The following EPHA5 variants were observed in gnomAD, a reference collection of about 807,000 sequenced individuals.
EPHA5 encodes EPH receptor A5, also known as ephrin type-A receptor 5.
A neutral mutation model predicts 105.0 loss-of-function variants in EPHA5; 60 were observed. The ratio of observed to expected loss-of-function variants is 0.57; its 90% CI spans 0.46 to 0.71. EPHA5 has a LOEUF of 0.71. Among genes scored for constraint, EPHA5 ranks in the 30% least tolerant of loss-of-function variants. EPHA5 has a pLI of 0.00. For missense variants in EPHA5, 1,218 were observed against 1,274.7 expected, an observed-to-expected ratio of 0.96 and a Z score of 0.68; for synonymous variants, 513 against 449.1, an observed-to-expected ratio of 1.14 and a Z score of -1.80.
intron 8 of EPHA5, among the ~76,000 whole-genome samples, chr4:65,387,781 AT>A: frequency 6.6e-6 from 1 of 151,848 alleles, no homozygotes; most frequent in African/African-American, 2.4e-5. Context: ...TTTATTACAT[AT>A]TTGTCCATCT....
chr4:65,588,994 A>G (rs1742381358), intron 3 of EPHA5, among the ~76,000 whole-genome samples: 4 of 152,220 alleles, frequency 2.6e-5, no homozygotes, highest in Non-Finnish European at 2.9e-5. Context: ...TCTAACTAGC[A>G]TGTATTGAGG....
intron 5 of EPHA5, among the ~76,000 whole-genome samples, chr4:65,444,817 A>G (rs1726357206): frequency 6.6e-6 from 1 of 152,082 alleles, no homozygotes; most frequent in Non-Finnish European, 1.5e-5. Flanking sequence ...GGTTGCTTTT[A>G]GAAGTAATTG....
At chr4:65,581,832 A>G (rs1344687398) in intron 3 of EPHA5, among the ~76,000 whole-genome samples, 1 of 151,820 alleles carries the variant, frequency 6.6e-6, no homozygotes, top group Non-Finnish European at 1.5e-5. Flanking sequence ...GTCATGAAGT[A>G]ACTGTCCAAG....
At position 65,490,474 on chromosome 4, in the gene EPHA5, T is replaced by C. The variant is rs1331557695; in HGVS notation, c.1305A>G (p.Thr435=). The C allele has an allele frequency of 2.5e-6, 4 of 1,614,174 alleles. No individual in the cohort carries two copies. The highest frequency in any genetic ancestry group is 3.4e-6 in the Non-Finnish European group (4 of 1,180,014). ...SVMMVDLLAH[T]NYTFEIEAVN... is the part of the protein sequence containing the mutation. ...CTGCCTCAATCTCAAAGGTATAGTT[T>C]GTGTGAGCGAGTAGATCCACCATCA... Residue 435 remains threonine, a synonymous_variant, in exon 5 of 17, where the codon ACA becomes ACG. Transcript: ENST00000613740.
At chr4:65,504,127 T>C (rs992902650) in intron 3 of EPHA5, among the ~76,000 whole-genome samples, 7 of 151,480 alleles carry the variant, frequency 4.6e-5, no homozygotes, top group Non-Finnish European at 1.0e-4. Flanking sequence ...GTTACATCTA[T>C]ATATTTTATA....
intron 2 of EPHA5, among the ~76,000 whole-genome samples, chr4:65,619,026 G>T (rs1560780978): frequency 1.3e-5 from 2 of 152,002 alleles, no homozygotes; most frequent in South Asian, 4.1e-4. Context: ...ATGGTGGCGG[G>T]TGCCTGTAAT....
At chr4:65,496,742 C>T (rs1179635193) in intron 3 of EPHA5, among the ~76,000 whole-genome samples, 1 of 152,102 alleles carries the variant, frequency 6.6e-6, no homozygotes, top group South Asian at 2.1e-4. Context: ...TGGGTACATA[C>T]CCAGTAATGG....
intron 3 of EPHA5, among the ~76,000 whole-genome samples, chr4:65,545,446 A>C (rs1737280817): frequency 6.6e-6 from 1 of 151,956 alleles, no homozygotes; most frequent in African/African-American, 2.4e-5. Flanking sequence ...AAATTAAAGA[A>C]ACTTGTGATG....
At chr4:65,444,139 T>A (rs1726288217) in intron 5 of EPHA5, among the ~76,000 whole-genome samples, 1 of 152,200 alleles carries the variant, frequency 6.6e-6, no homozygotes, top group South Asian at 2.1e-4. Context: ...TCATTAAAAC[T>A]GTTTTACTTT....
intron 3 of EPHA5, among the ~76,000 whole-genome samples, chr4:65,520,446 C>T (rs905279515): frequency 6.6e-6 from 1 of 152,156 alleles, no homozygotes; most frequent in African/African-American, 2.4e-5. Flanking sequence ...CTAAGCAATA[C>T]CATTCAGGTC....
At chr4:65,460,583 A>T (rs1728030358) in intron 5 of EPHA5, among the ~76,000 whole-genome samples, 1 of 151,528 alleles carries the variant, frequency 6.6e-6, no homozygotes, top group African/African-American at 2.4e-5. Context: ...AAGTATATTT[A>T]AATATTTTAT....
intron 16 of EPHA5, among the ~76,000 whole-genome samples, chr4:65,329,459 T>A (rs753351189): frequency 4.0e-5 from 6 of 151,430 alleles, no homozygotes; most frequent in Non-Finnish European, 8.9e-5. Context: ...TTTATATTTA[T>A]TCTTTTTTTC....
chr4:65,387,038 C>G (rs539427735), intron 8 of EPHA5, among the ~76,000 whole-genome samples: 1 of 151,660 alleles, frequency 6.6e-6, no homozygotes. Flanking sequence ...CATCTAAGGA[C>G]GTGGCCATTA....
In EPHA5 at chr4:65,555,786, G is replaced by T. The variant is rs996655384; in HGVS notation, c.910+45855C>A. Among the ~76,000 whole-genome samples, 5 of 141,100 alleles carry T rather than the reference G, an allele frequency of 3.5e-5. 1 individual carries two copies. Among genetic ancestry groups the T allele is most frequent in the African/African-American group, 1.6e-4 (5 of 31,094 alleles). 92.6% of individuals were successfully genotyped at this position (141,100 alleles called of 152,430 possible). On this transcript the variant is annotated intron_variant, in intron 3 of 16. Transcript: ENST00000613740. ...TACAATGAGATATATACCATATTCA[G>T]ACTGTCAAGTAGGAGTACTAGGATA...
chr4:65,530,324 A>G (rs1042931900), intron 3 of EPHA5, among the ~76,000 whole-genome samples: 1 of 152,130 alleles, frequency 6.6e-6, no homozygotes, highest in Non-Finnish European at 1.5e-5. Context: ...AATAAAGATT[A>G]AAGACTTTAA....
At chr4:65,376,890 CA>C (rs1248716289) in intron 8 of EPHA5, 3 of 936,178 alleles carry the variant, frequency 3.2e-6, no homozygotes, top group Non-Finnish European at 4.5e-6. Flanking sequence ...CTTGGGGAGC[CA>C]GTTTTATTCT....
At chr4:65,642,725 G>A (rs1467323596) in intron 2 of EPHA5, among the ~76,000 whole-genome samples, 1 of 151,786 alleles carries the variant, frequency 6.6e-6, no homozygotes, top group Non-Finnish European at 1.5e-5. Flanking sequence ...TCTTTAGGTT[G>A]TTATAATCAA....
chr4:65,550,513 T>C (rs990641547), intron 3 of EPHA5, among the ~76,000 whole-genome samples: 2 of 152,080 alleles, frequency 1.3e-5, no homozygotes, highest in African/African-American at 4.8e-5. Flanking sequence ...CTGCCACTCA[T>C]ATCCAGTAGC....
intron 2 of EPHA5, among the ~76,000 whole-genome samples, chr4:65,633,381 A>G (rs1255743830): frequency 6.6e-6 from 1 of 151,998 alleles, no homozygotes; most frequent in East Asian, 1.9e-4. Flanking sequence ...AAAAAAGATC[A>G]TGATAAACAC....
Sources: gnomAD v4.1 joint callset for allele counts (sites outside exome capture counted in the v4.1 genomes callset) on GRCh38, gnomAD v4.1.1 for gene constraint, MANE v1.5 for transcripts, NCBI Gene and HGNC (gene_info 2026-07-23, HGNC 2026-07-21) for gene names.